The following DARS2 variants were observed in gnomAD, a reference collection of about 807,000 sequenced individuals.
DARS2 encodes aspartyl-tRNA synthetase 2, mitochondrial.
DARS2 carries 63 observed loss-of-function variants against 83.0 expected under a neutral mutation model. The observed-to-expected ratio is 0.76, with a 90% CI of 0.62 to 0.94. The LOEUF is 0.94. DARS2 is among the 40% of genes least tolerant of loss of function. The pLI is 0.00. For synonymous variants in DARS2, 250 were observed against 269.3 expected (o/e 0.93, Z 0.70); for missense variants, 675 against 774.4 (o/e 0.87, Z 1.52).
chr1:173,834,917 T>C (rs1254251891), intron 7 of DARS2, among the ~76,000 whole-genome samples: 3 of 151,488 alleles, frequency 2.0e-5, no homozygotes, highest in Non-Finnish European at 4.4e-5. Flanking sequence ...TAGCTGGGAT[T>C]ACAGGCATGC....
intron 12 of DARS2, among the ~76,000 whole-genome samples, chr1:173,845,683 G>A (rs1319185053): frequency 1.3e-5 from 2 of 151,910 alleles, no homozygotes; most frequent in African/African-American, 4.8e-5. Flanking sequence ...AGCTGAGATC[G>A]CACCACCGCA....
rs1653022314 is a variant in DARS2, at chr1:173,836,840, T to C, written c.664-100T>C. 1.1e-5 allele frequency: 11 copies of C among 962,886 alleles called. No homozygotes were observed. In the South Asian group the frequency reaches 1.3e-4, roughly 11 times the overall value. 59.6% of individuals were successfully genotyped at this position (962,886 alleles called of 1,614,324 possible). ...AGGAACTTTGTTCTTTAGTCATTCA[T>C]TGATAAACTGAAGTAACAACTTCTA... On this transcript the variant is annotated intron_variant, in intron 7 of 16. Transcript: ENST00000649689.
chr1:173,835,873 G>A (rs921952410), intron 7 of DARS2, among the ~76,000 whole-genome samples: 5 of 152,096 alleles, frequency 3.3e-5, no homozygotes, highest in African/African-American at 9.7e-5. Flanking sequence ...GACCAATATG[G>A]TGAAACCCCG....
intron 13 of DARS2, among the ~76,000 whole-genome samples, chr1:173,852,764 A>G (rs1260450220): frequency 6.6e-6 from 1 of 151,862 alleles, no homozygotes; most frequent in Non-Finnish European, 1.5e-5. Flanking sequence ...CGGCCTCCCA[A>G]AGTGCTGGGA....
At chr1:173,833,526 G>A in intron 6 of DARS2, 27 bp downstream of exon 6, 1 of 1,613,816 alleles carries the variant, frequency 6.2e-7, no homozygotes, top group African/African-American at 1.3e-5. Context: ...GATGCTCTTT[G>A]GAGCTTTGTA....
intron 13 of DARS2, chr1:173,851,687 TA>T (rs891506502): frequency 5.9e-5 from 17 of 288,722 alleles, no homozygotes; most frequent in African/African-American, 3.4e-4. Flanking sequence ...ATATGAATAT[TA>T]AAAATGTACT....
At chr1:173,854,156 T>C (rs1289239750) in intron 15 of DARS2, among the ~76,000 whole-genome samples, 1 of 152,096 alleles carries the variant, frequency 6.6e-6, no homozygotes, top group Non-Finnish European at 1.5e-5. Flanking sequence ...TTTTATTTTT[T>C]TGAAGAGATA....
intron 11 of DARS2, among the ~76,000 whole-genome samples, chr1:173,842,284 C>CATTTT (rs1653251327): frequency 1.6e-5 from 1 of 64,224 alleles, no homozygotes; most frequent in Non-Finnish European, 2.7e-5. Context: ...TCATTACTTT[C>CATTTT]TTTTTTTTTT....
intron 12 of DARS2, among the ~76,000 whole-genome samples, chr1:173,847,077 C>T (rs1458908937): frequency 1.3e-5 from 2 of 152,070 alleles, no homozygotes; most frequent in East Asian, 3.8e-4. Context: ...CCTCATACCT[C>T]AAGCACAACG....
chr1:173,840,461 A>G (rs572212095), intron 10 of DARS2, among the ~76,000 whole-genome samples: 3 of 152,090 alleles, frequency 2.0e-5, no homozygotes, highest in Non-Finnish European at 4.4e-5. Context: ...TGACCTCCTG[A>G]CCTCAGGTGA....
rs1652765557 is a variant in DARS2, at chr1:173,830,729, G to A, written c.364G>A (p.Val122Ile). 2 of 1,613,996 alleles carry A rather than the reference G, an allele frequency of 1.2e-6. No individual in the cohort carries two copies. Among genetic ancestry groups the A allele is most frequent in the Non-Finnish European group, 1.7e-6 (2 of 1,179,870 alleles). The part of the protein sequence containing the change: ...VESVVQVSGT[V>I]ISRPAGQENP... ...ATCTGTGGTGCAAGTGTCTGGTACAGTCATTTCCCGTCCTGCAGGACAAGA... is the reference window on the plus strand; with the variant it reads ...ATCTGTGGTGCAAGTGTCTGGTACAATCATTTCCCGTCCTGCAGGACAAGA... Residue 122 changes from valine to isoleucine, a missense_variant, in exon 4 of 17, where the codon GTC becomes ATC. Physicochemically the swap from Val to Ile is conservative, Grantham distance 29. Coordinates refer to ENST00000649689, the MANE Select transcript of DARS2 (RefSeq NM_018122.5).
chr1:173,853,658 G>A, intron 14 of DARS2, 91 bp downstream of exon 14: 1 of 1,532,486 alleles, frequency 6.5e-7, no homozygotes, highest in East Asian at 2.3e-5. Context: ...ATAGGACCCA[G>A]TTCTGGAAGC....
chr1:173,844,862 C>G (rs549975412), intron 11 of DARS2, among the ~76,000 whole-genome samples: 1 of 127,162 alleles, frequency 7.9e-6, no homozygotes, highest in African/African-American at 2.9e-5. Context: ...GGCACAATCT[C>G]GGCTCACTGT....
chr1:173,853,951 TA>T (rs757838006), intron 15 of DARS2, 46 bp downstream of exon 15: 15 of 1,514,580 alleles, frequency 9.9e-6, no homozygotes, highest in Non-Finnish European at 1.3e-5. Context: ...TTTACCAGAA[TA>T]TTTTTCAGTT....
rs1312015393 is a variant in DARS2 at position 173,824,685 on chromosome 1, G to GA, written c.-544dup. 6.2e-6 allele frequency: 1 copy of GA among 161,480 alleles called. No individual in the cohort carries two copies. The highest frequency in any genetic ancestry group is 1.4e-5 in the Non-Finnish European group (1 of 72,900). 10.0% of individuals were successfully genotyped at this position (161,480 alleles called of 1,614,324 possible). A position where few individuals can be genotyped will look rare whatever the true frequency, so the allele number is the denominator to read the frequency against. On this transcript the variant is annotated 5_prime_UTR_variant, in exon 1 of 17. Coordinates refer to ENST00000649689, the MANE Select transcript of DARS2 (RefSeq NM_018122.5). The stretch of plus-strand genomic sequence containing the variant: ...AGCGGGCGGAGTTGAAGGGCGCTTG[G>GA]ACCCCAGCGGCGATCTGTGTTTGGG...
intron 8 of DARS2, 29 bp downstream of exon 8, chr1:173,837,075 AGAAAAG>A: frequency 6.4e-7 from 1 of 1,573,806 alleles, no homozygotes; most frequent in South Asian, 1.1e-5. Context: ...AGCAGTTGTC[AGAAAAG>A]GAAAAGAGAA....
Position 173,845,190 on chromosome 1 carries a change from G to T in DARS2, c.1129-39G>T, listed in dbSNP as rs769410018. The T allele has an allele frequency of 4.1e-6, 5 of 1,226,268 alleles. No individual in the cohort carries two copies. The South Asian group carries it at 6.0e-5, about 15-fold the overall frequency. The allele number at this position is 1,226,268 out of a possible 1,614,324, so 76.0% of individuals were successfully genotyped here. On this transcript the variant is annotated intron_variant, in intron 11 of 16. Coordinates refer to ENST00000649689, the MANE Select transcript of DARS2 (RefSeq NM_018122.5). ...CATAACCATGTTTATGAAGCTAAGTGTCATACTGACAAGTTTACTTTGATT... is the reference window on the plus strand; with the variant it reads ...CATAACCATGTTTATGAAGCTAAGTTTCATACTGACAAGTTTACTTTGATT...
Position 173,826,665 on chromosome 1 carries a change from C to CTTT in DARS2, c.128-7_128-5dup, listed in dbSNP as rs746151025. The CTTT allele has an allele frequency of 1.3e-3, 1,668 of 1,260,154 alleles. 15 individuals are homozygous for CTTT. The African/African-American group carries it at 0.024, about 18-fold the overall frequency. 78.1% of individuals were successfully genotyped at this position (1,260,154 alleles called of 1,614,324 possible). A position where few individuals can be genotyped will look rare whatever the true frequency, so the allele number is the denominator to read the frequency against. ...TTTTTAATCTTGCCTTTTAAAGTTTCTTTTTTTTTTTTTTTTTAAAGAATT... is the reference window on the plus strand; with the variant it reads ...TTTTTAATCTTGCCTTTTAAAGTTTCTTTTTTTTTTTTTTTTTTTTAAAGAATT... On this transcript the variant is annotated intron_variant, in intron 1 of 16. Transcript: ENST00000649689.
intron 3 of DARS2, among the ~76,000 whole-genome samples, chr1:173,830,269 A>G (rs1652746310): frequency 6.6e-6 from 1 of 152,204 alleles, no homozygotes; most frequent in African/African-American, 2.4e-5. Flanking sequence ...CAACATCCAG[A>G]GATGAGTATA....
Sources: gnomAD v4.1 joint callset for allele counts (sites outside exome capture counted in the v4.1 genomes callset) on GRCh38, gnomAD v4.1.1 for gene constraint, MANE v1.5 for transcripts, NCBI Gene and HGNC (gene_info 2026-07-23, HGNC 2026-07-21) for gene names.